POLR2F: variants seen among roughly 807,000 people sequenced by gnomAD.
POLR2F encodes the protein DNA-directed RNA polymerases I, II, and III subunit RPABC2.
A neutral mutation model predicts 22.7 loss-of-function variants in POLR2F; 12 were observed. The observed-to-expected ratio is 0.53, with a 90% CI of 0.34 to 0.86. The LOEUF (loss-of-function observed/expected upper bound fraction) is 0.86, where lower values mean the gene tolerates loss of function less well. POLR2F is among the 40% of genes least tolerant of loss of function. The probability of loss-of-function intolerance (pLI) is 0.02; values close to 1 mark genes in which losing one functional copy is unlikely to be tolerated. For missense variants in POLR2F, 126 were observed against 171.5 expected (o/e 0.73, Z 1.48); for synonymous variants, 57 against 66.0 (o/e 0.86, Z 0.66).
chr22:37,993,222 G>A (rs982888680), intron 1 of POLR2F, among the ~76,000 whole-genome samples: 1 of 152,190 alleles, frequency 6.6e-6, no homozygotes, highest in African/African-American at 2.4e-5. Flanking sequence ...CCACTGGCAG[G>A]CAGCTGGCAG....
At chr22:37,956,893 G>A (rs771426287) in intron 2 of POLR2F, 51 bp downstream of exon 2, 11 of 1,379,796 alleles carry the variant, frequency 8.0e-6, no homozygotes, top group Non-Finnish European at 1.1e-5. Flanking sequence ...CTGCCAAATC[G>A]TCTGACAGGT....
At chr22:38,013,425 C>T (rs547503693) in intron 1 of POLR2F, among the ~76,000 whole-genome samples, 3 of 152,280 alleles carry the variant, frequency 2.0e-5, no homozygotes, top group East Asian at 3.9e-4. Context: ...GGATCACAGG[C>T]GTGAGCCACT....
In POLR2F at chr22:37,978,220, C is replaced by T; in HGVS notation, c.293+11050C>T. ...TCCAGGTTGGCCTCCCTCTGAGTGTCCATCTTGGAAGATGTGAGGCCCTGG... is the reference window on the plus strand; with the variant it reads ...TCCAGGTTGGCCTCCCTCTGAGTGTTCATCTTGGAAGATGTGAGGCCCTGG... On this transcript the variant is annotated intron_variant, in intron 4 of 4. Coordinates refer to the POLR2F transcript ENST00000405557. This position sits in a 1 kb window ranked among gnomAD's most constrained non-coding sequence, Gnocchi z 5.0. 7.2e-7 allele frequency: 1 copy of T among 1,388,520 alleles called. No individual in the cohort carries two copies. Among genetic ancestry groups the T allele is most frequent in the Non-Finnish European group, 9.5e-7 (1 of 1,052,988 alleles). 86.0% of individuals were successfully genotyped at this position (1,388,520 alleles called of 1,614,324 possible). A position where few individuals can be genotyped will look rare whatever the true frequency, so the allele number is the denominator to read the frequency against.
In POLR2F at chr22:37,969,284, T is replaced by C. The variant is rs576967679; in HGVS notation, c.*1569T>C. Reference sequence around the variant, plus strand: ...CAGCTGTCTGGGCCTGGCTTTTGACTTCTCTTGAATAAAATGTCCCGGTCA... The same window carrying C: ...CAGCTGTCTGGGCCTGGCTTTTGACCTCTCTTGAATAAAATGTCCCGGTCA... On this transcript the variant is annotated 3_prime_UTR_variant, in exon 5 of 5. Transcript: ENST00000442738. 1.1e-5 allele frequency: 11 copies of C among 979,300 alleles called. No homozygotes were observed. In the South Asian group the frequency reaches 5.2e-4, roughly 46 times the overall value. The allele number at this position is 979,300 out of a possible 1,614,324, so 60.7% of individuals were successfully genotyped here.
At chr22:37,972,466 G>C (rs182806665), downstream of POLR2F, 8 of 346,178 alleles carry the variant, frequency 2.3e-5, no homozygotes, top group Admixed American at 1.2e-4. Flanking sequence ...AATAGGGGCA[G>C]ATATAGCTAC....
intron 3 of POLR2F, among the ~76,000 whole-genome samples, chr22:37,962,189 C>T (rs1931670253): frequency 6.6e-6 from 1 of 152,180 alleles, no homozygotes; most frequent in Admixed American, 6.5e-5. Flanking sequence ...TGTGATCGCA[C>T]TACTGCACAC....
At chr22:38,019,910 A>G (rs1388026706) in intron 1 of POLR2F, among the ~76,000 whole-genome samples, 1 of 152,138 alleles carries the variant, frequency 6.6e-6, no homozygotes, top group Admixed American at 6.5e-5. Flanking sequence ...GCTACTCGGG[A>G]GGCTGAGGCA....
intron 5 of POLR2F, among the ~76,000 whole-genome samples, chr22:38,038,458 C>G (rs2085137577): frequency 1.3e-5 from 2 of 152,004 alleles, no homozygotes. Flanking sequence ...ATGATGGGCT[C>G]TGGACCCAGG....
At chr22:38,025,079 C>T (rs1190877112) in intron 1 of POLR2F, among the ~76,000 whole-genome samples, 1 of 152,178 alleles carries the variant, frequency 6.6e-6, no homozygotes, top group Non-Finnish European at 1.5e-5. Context: ...GAGGTCCCTT[C>T]TGTCTCCTGG....
At chr22:37,977,367 C>A (rs1235505892) in intron 4 of POLR2F, among the ~76,000 whole-genome samples, 2 of 151,100 alleles carry the variant, frequency 1.3e-5, no homozygotes, top group Admixed American at 1.3e-4. Flanking sequence ...GTCGCCCAGG[C>A]TGGAGTGCAG....
chr22:38,039,076 C>G (rs1052303789), intron 5 of POLR2F, among the ~76,000 whole-genome samples: 42 of 152,304 alleles, frequency 2.8e-4, no homozygotes, highest in African/African-American at 1.0e-3. Context: ...TCCGCCATTT[C>G]CCGCGGCCCT....
chr22:38,005,250 G>A (rs1305576853), intron 1 of POLR2F, among the ~76,000 whole-genome samples: 1 of 152,200 alleles, frequency 6.6e-6, no homozygotes, highest in Non-Finnish European at 1.5e-5. Flanking sequence ...AGCCTCCCGA[G>A]TAGCTGGGAC....
chr22:37,955,400 A>C (rs1239577391), intron 1 of POLR2F, among the ~76,000 whole-genome samples: 1 of 151,848 alleles, frequency 6.6e-6, no homozygotes, highest in Non-Finnish European at 1.5e-5. Flanking sequence ...TTAGCTGGGC[A>C]TGGTGGCGTG....
At chr22:37,996,209 A>T (rs972533668) in intron 1 of POLR2F, among the ~76,000 whole-genome samples, 3 of 152,024 alleles carry the variant, frequency 2.0e-5, no homozygotes, top group African/African-American at 7.2e-5. Context: ...AGCCAGCTCC[A>T]CCCCTTCCCC....
At chr22:38,041,253 G>A, downstream of POLR2F, 6 of 1,273,816 alleles carry the variant, frequency 4.7e-6, no homozygotes, top group African/African-American at 1.5e-5. Context: ...GCGGGGGCAG[G>A]CACAGGGGGA....
chr22:38,039,393 G>T (rs2085150076), intron 5 of POLR2F, among the ~76,000 whole-genome samples: 1 of 152,190 alleles, frequency 6.6e-6, no homozygotes, highest in African/African-American at 2.4e-5. Context: ...TGCAAGGTGG[G>T]TGGGGACGGC....
At chr22:38,028,755 C>A (rs778842801), downstream of POLR2F, among the ~76,000 whole-genome samples, 3 of 151,932 alleles carry the variant, frequency 2.0e-5, no homozygotes, top group Non-Finnish European at 4.4e-5. Flanking sequence ...GCACACACAC[C>A]CTCTGAAGGT....
chr22:37,996,926 G>A (rs1339828365), intron 1 of POLR2F, among the ~76,000 whole-genome samples: 1 of 152,174 alleles, frequency 6.6e-6, no homozygotes, highest in East Asian at 1.9e-4. Context: ...TGCCATAGAT[G>A]GTCTAAGGGC....
At chr22:37,987,012 C>A in intron 1 of POLR2F, 1 of 455,968 alleles carries the variant, frequency 2.2e-6, no homozygotes, top group South Asian at 1.5e-5. Context: ...TCCCTTTACC[C>A]CCTCATTCTT....
Sources: allele counts gnomAD v4.1 joint callset (sites outside exome capture counted in the v4.1 genomes callset), GRCh38; gene constraint gnomAD v4.1.1; non-coding constraint Gnocchi (gnomAD v3.1); transcripts MANE v1.5; gene names NCBI Gene and HGNC (gene_info 2026-07-23, HGNC 2026-07-21).